Variants in ING1 observed in about 807,000 individuals in gnomAD.
ING1 encodes the protein inhibitor of growth protein 1.
In ING1, 4 loss-of-function variants were observed where a neutral mutation model predicts 23.1. That is an observed-to-expected ratio of 0.17 (90% CI 0.09 to 0.40). The LOEUF is 0.40. Among genes scored for constraint, ING1 ranks in the 10% least tolerant of loss-of-function variants. The pLI is 1.00. For missense variants in ING1, 256 were observed against 393.8 expected (o/e 0.65, Z 2.96); for synonymous variants, 179 against 166.4 (o/e 1.08, Z -0.58).
At chr13:110,714,419 C>T in intron 1 of ING1, 134 bp downstream of exon 1, 1 of 851,860 alleles carries the variant, frequency 1.2e-6, no homozygotes, top group Non-Finnish European at 1.6e-6. Context: ...TCGGCAGGGG[C>T]AGGAACAAAA....
At position 110,719,434 on chromosome 13, in the gene ING1, G is replaced by A. The variant is rs752864848; in HGVS notation, c.342G>A (p.Glu114=). Residue 114 remains glutamate, a synonymous_variant, in exon 2 of 2, where the codon GAG becomes GAA. Coordinates refer to ENST00000333219, the MANE Select transcript of ING1 (RefSeq NM_198219.3). This position sits in a 1 kb window ranked among gnomAD's most constrained non-coding sequence, Gnocchi z 8.9. ...RQVDSHVELF[E]AQQELGDTAG... ...TGGACAGCCACGTGGAGCTGTTCGA[G>A]GCGCAGCAGGAGCTGGGCGACACAG... 2 of 1,612,340 alleles carry A rather than the reference G, an allele frequency of 1.2e-6. No homozygotes were observed. The highest frequency in any genetic ancestry group is 3.3e-5 in the Admixed American group (2 of 59,928).
At chr13:110,716,530 G>A (rs2064125066) in intron 1 of ING1, among the ~76,000 whole-genome samples, 1 of 152,104 alleles carries the variant, frequency 6.6e-6, no homozygotes, top group Non-Finnish European at 1.5e-5. Context: ...TCATAAACTT[G>A]GATTATAATT....
upstream of ING1, chr13:110,713,279 C>T (rs760929910): frequency 2.4e-5 from 31 of 1,277,580 alleles, no homozygotes; most frequent in East Asian, 1.3e-4. Flanking sequence ...GGCTGAGGAG[C>T]GAGTTGCGGT....
upstream of ING1, chr13:110,713,306 G>A (rs937759970): frequency 2.5e-6 from 3 of 1,195,732 alleles, no homozygotes; most frequent in Non-Finnish European, 3.1e-6. Flanking sequence ...TGTGTACCAT[G>A]GTCTCGGAGG....
At position 110,720,096 on chromosome 13, in the gene ING1, T is replaced by C; in HGVS notation, c.*164T>C. 1.7e-6 allele frequency: 1 copy of C among 576,758 alleles called. No individual in the cohort carries two copies. Among genetic ancestry groups the C allele is most frequent in the Non-Finnish European group, 3.0e-6 (1 of 332,908 alleles). The allele number at this position is 576,758 out of a possible 1,614,324, so 35.7% of individuals were successfully genotyped here. On this transcript the variant is annotated 3_prime_UTR_variant, in exon 2 of 2. Coordinates refer to ENST00000333219, the MANE Select transcript of ING1 (RefSeq NM_198219.3). ...TGGCAGTGATTCTGTTTGCCTTTTG[T>C]TTTCATTGGTACACGTGTAACAAGA...
chr13:110,718,095 G>A (rs937942273), intron 1 of ING1, among the ~76,000 whole-genome samples: 1 of 152,168 alleles, frequency 6.6e-6, no homozygotes, highest in Non-Finnish European at 1.5e-5. Context: ...GCCCAGGAAG[G>A]TTTACATTTA....
At position 110,713,978 on chromosome 13, in the gene ING1, C is replaced by A; in HGVS notation, c.-172C>A. On this transcript the variant is annotated 5_prime_UTR_variant, in exon 1 of 2. Transcript: ENST00000333219. ...TCAGGCGCTGGGGTCCCCGCGGACC[C>A]GGAGGCGGCGGACGGGCTCGGCAGA... The A allele has an allele frequency of 9.2e-7, 1 of 1,089,370 alleles. No individual in the cohort carries two copies. The highest frequency in any genetic ancestry group is 1.7e-5 in the African/African-American group (1 of 59,878). 67.5% of individuals were successfully genotyped at this position (1,089,370 alleles called of 1,614,324 possible).
chr13:110,721,065 G>T lies in ING1; in HGVS notation c.*1133G>T, dbSNP rs1223495671. 2 of 166,974 alleles carry T rather than the reference G, an allele frequency of 1.2e-5. No homozygotes were observed. Among genetic ancestry groups the T allele is most frequent in the African/African-American group, 2.4e-5 (1 of 41,424 alleles). The allele number at this position is 166,974 out of a possible 1,614,324, so 10.3% of individuals were successfully genotyped here. A position where few individuals can be genotyped will look rare whatever the true frequency, so the allele number is the denominator to read the frequency against. ...TCTAGTGTCCATAAATAAAGTTTCA[G>T]CGGAACACAGCCGTGCTTATGTGCG... On this transcript the variant is annotated 3_prime_UTR_variant, in exon 2 of 2. Transcript: ENST00000333219.
chr13:110,713,104 T>C, upstream of ING1: 1 of 1,438,792 alleles, frequency 7.0e-7, no homozygotes, highest in Non-Finnish European at 9.1e-7. Flanking sequence ...GACTTGGGTT[T>C]CTAGTAGTAA....
rs200535822 is a variant in ING1, at chr13:110,715,608, C to A, written c.136+1323C>A. On this transcript the variant is annotated intron_variant, in intron 1 of 1. Transcript: ENST00000333219. ...TGGAGGGTGGACGAGTTGATTTGAACGTCTTCGGGTCGCTCGGCCTCCAGC... is the reference window on the plus strand; with the variant it reads ...TGGAGGGTGGACGAGTTGATTTGAAAGTCTTCGGGTCGCTCGGCCTCCAGC... 417 of 1,613,898 alleles carry A rather than the reference C, an allele frequency of 2.6e-4. 1 individual carries two copies. The highest frequency in any genetic ancestry group is 3.6e-5 in the Non-Finnish European group (43 of 1,180,030).
intron 1 of ING1, chr13:110,715,307 C>T (rs1437719378): frequency 6.4e-6 from 9 of 1,401,220 alleles, no homozygotes; most frequent in Non-Finnish European, 7.4e-6. Flanking sequence ...ACCGCTATCC[C>T]CGAAAGTACT....
In ING1 at chr13:110,713,950, C is replaced by A; in HGVS notation, c.-200C>A. The A allele has an allele frequency of 9.8e-7, 1 of 1,019,492 alleles. No homozygotes were observed. The highest frequency in any genetic ancestry group is 1.7e-5 in the African/African-American group (1 of 58,122). The allele number at this position is 1,019,492 out of a possible 1,614,324, so 63.2% of individuals were successfully genotyped here. ...GGAGCCACCGCCACCGCGGCCCGCG[C>A]CCTCAGGCGCTGGGGTCCCCGCGGA... On this transcript the variant is annotated 5_prime_UTR_variant, in exon 1 of 2. Transcript: ENST00000333219.
At chr13:110,715,881 G>T (rs549407982) in intron 1 of ING1, 24 of 1,589,856 alleles carry the variant, frequency 1.5e-5, no homozygotes, top group African/African-American at 2.7e-5. Context: ...CAGTGATCCC[G>T]GGCCTGTGGG....
At chr13:110,717,054 C>A (rs370526821) in intron 1 of ING1, among the ~76,000 whole-genome samples, 2 of 152,072 alleles carry the variant, frequency 1.3e-5, no homozygotes, top group Admixed American at 6.5e-5. Flanking sequence ...AAAATAACTT[C>A]TGTGTTATTA....
intron 1 of ING1, among the ~76,000 whole-genome samples, chr13:110,714,568 C>A (rs919941649): frequency 6.5e-5 from 6 of 91,726 alleles, no homozygotes; most frequent in African/African-American, 2.5e-4. Flanking sequence ...GCGGGTGCTG[C>A]GGGGGAGGGG....
In ING1 at chr13:110,721,776, AT is replaced by A. The variant is rs2064173603; in HGVS notation, c.*1845del. On this transcript the variant is annotated 3_prime_UTR_variant, in exon 2 of 2. Coordinates refer to ENST00000333219, the MANE Select transcript of ING1 (RefSeq NM_198219.3). The stretch of plus-strand genomic sequence containing the variant: ...TTTTTAGTAGAGATGGGTTTTCACC[AT>A]GTTGGCCAGTATGGTCTCGAGCTCT... 6.7e-6 allele frequency: 1 copy of A among 150,112 alleles called. No homozygotes were observed. The highest frequency in any genetic ancestry group is 1.5e-5 in the Non-Finnish European group (1 of 67,770). 9.3% of individuals were successfully genotyped at this position (150,112 alleles called of 1,614,324 possible).
At chr13:110,717,069 T>A (rs1181074156) in intron 1 of ING1, among the ~76,000 whole-genome samples, 1 of 152,244 alleles carries the variant, frequency 6.6e-6, no homozygotes, top group East Asian at 1.9e-4. Flanking sequence ...TTATTAAATT[T>A]TAAATTTATA....
chr13:110,714,004 T>TGTAGCCGCCGGGCCGAAGCA lies in ING1; in HGVS notation c.-144_-125dup. 8.7e-7 allele frequency: 1 copy of TGTAGCCGCCGGGCCGAAGCA among 1,143,188 alleles called. No individual in the cohort carries two copies. The highest frequency in any genetic ancestry group is 3.7e-5 in the South Asian group (1 of 27,140). 70.8% of individuals were successfully genotyped at this position (1,143,188 alleles called of 1,614,324 possible). A position where few individuals can be genotyped will look rare whatever the true frequency, so the allele number is the denominator to read the frequency against. ...GGAGGCGGCGGACGGGCTCGGCAGA[T>TGTAGCCGCCGGGCCGAAGCA]GTAGCCGCCGGGCCGAAGCAGGAGC... On this transcript the variant is annotated 5_prime_UTR_variant, in exon 1 of 2. Transcript: ENST00000333219.
At position 110,714,016 on chromosome 13, in the gene ING1, G is replaced by T; in HGVS notation, c.-134G>T. Reference sequence around the variant, plus strand: ...CGGGCTCGGCAGATGTAGCCGCCGGGCCGAAGCAGGAGCCGGCGGGGGGGC... The same window carrying T: ...CGGGCTCGGCAGATGTAGCCGCCGGTCCGAAGCAGGAGCCGGCGGGGGGGC... On this transcript the variant is annotated 5_prime_UTR_variant, in exon 1 of 2. Transcript: ENST00000333219. 1.7e-6 allele frequency: 2 copies of T among 1,193,118 alleles called. No individual in the cohort carries two copies. Among genetic ancestry groups the T allele is most frequent in the Non-Finnish European group, 2.1e-6 (2 of 960,144 alleles). The allele number at this position is 1,193,118 out of a possible 1,614,324, so 73.9% of individuals were successfully genotyped here.
Sources: allele counts gnomAD v4.1 joint callset (sites outside exome capture counted in the v4.1 genomes callset), GRCh38; gene constraint gnomAD v4.1.1; non-coding constraint Gnocchi (gnomAD v3.1); transcripts MANE v1.5; gene names NCBI Gene and HGNC (gene_info 2026-07-23, HGNC 2026-07-21).